Variants in SLC30A8 observed in about 807,000 individuals in gnomAD.
SLC30A8 encodes the protein proton-coupled zinc antiporter SLC30A8.
In SLC30A8, 27 loss-of-function variants were observed where a neutral mutation model predicts 36.9. That is an observed-to-expected ratio of 0.73 (90% CI 0.54 to 1.01). SLC30A8 has a LOEUF of 1.01. Ranked by LOEUF, SLC30A8 falls within the 50% of genes least tolerant of loss-of-function variation. The pLI is 0.00. For synonymous variants in SLC30A8, 164 were observed against 172.4 expected (o/e 0.95, Z 0.38); for missense variants, 439 against 452.0 (o/e 0.97, Z 0.26).
intron 5 of SLC30A8, among the ~76,000 whole-genome samples, 171 bp from the exon 6 acceptor site, chr8:117,163,254 G>A (rs1822885288): frequency 6.6e-6 from 1 of 152,222 alleles, no homozygotes; most frequent in Non-Finnish European, 1.5e-5. Flanking sequence ...TGAAAGGAAG[G>A]ATTGAGTCTT....
At chr8:117,069,571 A>G (rs558042128) in intron 2 of SLC30A8, among the ~76,000 whole-genome samples, 1 of 152,216 alleles carries the variant, frequency 6.6e-6, no homozygotes, top group African/African-American at 2.4e-5. Context: ...AGTACAATGG[A>G]GGTCTGGATA....
chr8:117,064,825 A>G (rs1419959907), intron 2 of SLC30A8, among the ~76,000 whole-genome samples: 1 of 152,132 alleles, frequency 6.6e-6, no homozygotes, highest in Non-Finnish European at 1.5e-5. Context: ...GAGGGGAGAG[A>G]AATATGTGAG....
chr8:117,044,932 C>T (rs914004257), intron 2 of SLC30A8, among the ~76,000 whole-genome samples: 9 of 152,154 alleles, frequency 5.9e-5, no homozygotes, highest in African/African-American at 1.4e-4. Context: ...CTGCAAATTC[C>T]GAGCTGTTGT....
chr8:117,100,790 C>T (rs1363640973), intron 2 of SLC30A8, among the ~76,000 whole-genome samples: 5 of 152,090 alleles, frequency 3.3e-5, no homozygotes, highest in Non-Finnish European at 4.4e-5. Flanking sequence ...CTCATTTAGT[C>T]TTTTTTTCCT....
chr8:116,955,415 G>C (rs1312853609), intron 1 of SLC30A8, among the ~76,000 whole-genome samples: 4 of 152,044 alleles, frequency 2.6e-5, no homozygotes, highest in Non-Finnish European at 5.9e-5. Flanking sequence ...AGAGTGGAAT[G>C]CTGCACCTAC....
At chr8:117,011,037 G>C (rs970905078) in intron 1 of SLC30A8, among the ~76,000 whole-genome samples, 1 of 152,124 alleles carries the variant, frequency 6.6e-6, no homozygotes, top group Non-Finnish European at 1.5e-5. Flanking sequence ...CGTATATCTG[G>C]GTGTGCCACA....
chr8:117,127,510 C>T (rs1413566815), intron 2 of SLC30A8, among the ~76,000 whole-genome samples: 3 of 152,016 alleles, frequency 2.0e-5, no homozygotes, highest in African/African-American at 4.8e-5. Context: ...TTAGACTAAG[C>T]AGGAAAAGAT....
chr8:117,172,545 G>C lies in SLC30A8; in HGVS notation c.974G>C (p.Arg325Pro), dbSNP rs16889462. ...LSAHVATAAS[R>P]DSQVVRREIA... ...GCTTCTTTATCAACAGCAGCCAGCC[G>C]GGACAGCCAAGTGGTTCGGAGAGAA... The change falls in exon 8 of 8, where the codon CGG becomes CCG. Residue 325 changes from arginine to proline, a missense_variant. By Grantham distance (103) the Arg-to-Pro change is moderately radical (BLOSUM62 -2). Coordinates refer to ENST00000456015, the MANE Select transcript of SLC30A8 (RefSeq NM_173851.3). 1.5e-5 allele frequency: 24 copies of C among 1,613,440 alleles called. No individual in the cohort carries two copies. The African/African-American group carries it at 2.0e-4, about 13-fold the overall frequency.
intron 1 of SLC30A8, among the ~76,000 whole-genome samples, chr8:117,037,394 G>T (rs1254678369): frequency 1.3e-5 from 2 of 152,184 alleles, no homozygotes; most frequent in Admixed American, 1.3e-4. Context: ...TGGAATCCTA[G>T]CACCTTTTGG....
intron 1 of SLC30A8, among the ~76,000 whole-genome samples, chr8:117,038,821 T>C (rs1817296621): frequency 6.6e-6 from 1 of 152,242 alleles, no homozygotes; most frequent in Non-Finnish European, 1.5e-5. Flanking sequence ...AATAAGATGA[T>C]TTTAAACTAA....
At chr8:117,046,070 G>T (rs763938843) in intron 2 of SLC30A8, among the ~76,000 whole-genome samples, 5 of 152,118 alleles carry the variant, frequency 3.3e-5, no homozygotes, top group Non-Finnish European at 5.9e-5. Context: ...TGAGCAGGGG[G>T]AAAAGAAACA....
chr8:117,053,882 C>T (rs1995580), intron 2 of SLC30A8, among the ~76,000 whole-genome samples: 14,496 of 152,078 alleles, frequency 0.095, 1,133 homozygotes, highest in African/African-American at 0.22. Flanking sequence ...GAACAAGTAT[C>T]AATACTCACA....
intron 1 of SLC30A8, among the ~76,000 whole-genome samples, chr8:117,002,791 G>C (rs544921322): frequency 6.6e-6 from 1 of 152,108 alleles, no homozygotes; most frequent in East Asian, 1.9e-4. Context: ...TTTTACTAGA[G>C]ACGGGGTTTC....
intron 1 of SLC30A8, among the ~76,000 whole-genome samples, chr8:116,988,843 C>T (rs1301178915): frequency 1.3e-5 from 2 of 152,180 alleles, no homozygotes; most frequent in Non-Finnish European, 2.9e-5. Context: ...TCTGAATTAT[C>T]TCAGTGAGAA....
chr8:117,066,747 T>C (rs1818183053), intron 2 of SLC30A8, among the ~76,000 whole-genome samples: 1 of 152,126 alleles, frequency 6.6e-6, no homozygotes, highest in Non-Finnish European at 1.5e-5. Flanking sequence ...CTGGGACTTT[T>C]GGCAATAAAG....
At chr8:117,168,084 C>G (rs1823154539) in intron 6 of SLC30A8, among the ~76,000 whole-genome samples, 1 of 148,074 alleles carries the variant, frequency 6.8e-6, no homozygotes, top group African/African-American at 2.6e-5. Context: ...GGGGGAACTG[C>G]CCCCATGATT....
At chr8:117,009,945 C>A (rs1816294594) in intron 1 of SLC30A8, among the ~76,000 whole-genome samples, 1 of 152,140 alleles carries the variant, frequency 6.6e-6, no homozygotes, top group Non-Finnish European at 1.5e-5. Context: ...CAGGCAAAGC[C>A]AACGCACTTG....
At chr8:117,135,514 C>T (rs1821322473) in intron 1 of SLC30A8, 116 bp downstream of exon 1, 4 of 623,064 alleles carry the variant, frequency 6.4e-6, no homozygotes, top group Non-Finnish European at 1.1e-5. Context: ...CACTCTGGAA[C>T]ATTTTATAAG....
At chr8:117,088,490 G>A (rs1360723726) in intron 2 of SLC30A8, among the ~76,000 whole-genome samples, 1 of 152,054 alleles carries the variant, frequency 6.6e-6, no homozygotes, top group Non-Finnish European at 1.5e-5. Context: ...TACTTCGTAA[G>A]TATTCCATCA....
Sources: gnomAD v4.1 joint callset for allele counts (sites outside exome capture counted in the v4.1 genomes callset) on GRCh38, gnomAD v4.1.1 for gene constraint, MANE v1.5 for transcripts, NCBI Gene and HGNC (gene_info 2026-07-23, HGNC 2026-07-21) for gene names.